Variants in PKNOX2 observed in about 807,000 individuals in gnomAD.
The protein encoded by PKNOX2 is homeobox protein PKNOX2.
A neutral mutation model predicts 53.1 loss-of-function variants in PKNOX2; 14 were observed. The observed-to-expected ratio is 0.26, with a 90% confidence interval of 0.17 to 0.41. PKNOX2 has a LOEUF of 0.41. Among genes scored for constraint, PKNOX2 ranks in the 10% least tolerant of loss-of-function variants. The pLI, the probability that PKNOX2 is intolerant of heterozygous loss-of-function variation, is 1.00. For missense variants in PKNOX2, 496 were observed against 602.8 expected (o/e 0.82, Z 1.85); for synonymous variants, 257 against 242.8 (o/e 1.06, Z -0.54).
chr11:125,262,324 G>T (rs1375749231), intron 2 of PKNOX2, among the ~76,000 whole-genome samples: 2 of 152,296 alleles, frequency 1.3e-5, no homozygotes, highest in African/African-American at 4.8e-5. Context: ...GGAATGAAAG[G>T]ACGCTTGTGT....
intron 5 of PKNOX2, among the ~76,000 whole-genome samples, chr11:125,368,775 A>T (rs1028843493): frequency 6.6e-6 from 1 of 152,166 alleles, no homozygotes; most frequent in African/African-American, 2.4e-5. Context: ...ATTCTTGTAC[A>T]TAGTTGGGGA....
intron 2 of PKNOX2, among the ~76,000 whole-genome samples, chr11:125,246,790 T>C (rs1943600748): frequency 6.6e-6 from 1 of 152,174 alleles, no homozygotes; most frequent in Admixed American, 6.5e-5. Flanking sequence ...CCTGTCTACT[T>C]TTCCCTCTTA....
chr11:125,353,891 G>C (rs533613968), intron 4 of PKNOX2, among the ~76,000 whole-genome samples: 2 of 152,236 alleles, frequency 1.3e-5, no homozygotes, highest in Admixed American at 6.5e-5. Context: ...CGAGCAGGAT[G>C]TGGGGCTAAG....
At chr11:125,336,078 C>G (rs1180649454) in intron 3 of PKNOX2, among the ~76,000 whole-genome samples, 1 of 152,172 alleles carries the variant, frequency 6.6e-6, no homozygotes, top group Non-Finnish European at 1.5e-5. Flanking sequence ...ACAAATAGAT[C>G]TACTCCATTA....
At chr11:125,403,185 T>C (rs561307601) in intron 7 of PKNOX2, among the ~76,000 whole-genome samples, 1 of 152,128 alleles carries the variant, frequency 6.6e-6, no homozygotes, top group Non-Finnish European at 1.5e-5. Context: ...GCCTACTGAG[T>C]TCTGGGGATA....
intron 3 of PKNOX2, among the ~76,000 whole-genome samples, chr11:125,343,407 T>A (rs1483644956): frequency 1.3e-5 from 2 of 152,050 alleles, no homozygotes; most frequent in Admixed American, 1.3e-4. Flanking sequence ...CTGTTTTTTG[T>A]TTTATTTTGT....
intron 1 of PKNOX2, among the ~76,000 whole-genome samples, chr11:125,169,752 T>C (rs1955145500): frequency 6.6e-6 from 1 of 152,190 alleles, no homozygotes; most frequent in Admixed American, 6.5e-5. Context: ...CTTCGGTGTG[T>C]TTTCTTTCCT....
At chr11:125,312,591 A>G (rs1948882549) in intron 2 of PKNOX2, among the ~76,000 whole-genome samples, 2 of 152,050 alleles carry the variant, frequency 1.3e-5, no homozygotes, top group Non-Finnish European at 2.9e-5. Flanking sequence ...GGCTCTGTGG[A>G]TGACTGCAAG....
At chr11:125,339,793 G>C (rs1481904156) in intron 3 of PKNOX2, among the ~76,000 whole-genome samples, 1 of 152,242 alleles carries the variant, frequency 6.6e-6, no homozygotes, top group Non-Finnish European at 1.5e-5. Flanking sequence ...TCTGCTCCCA[G>C]ACAGCTACGA....
chr11:125,421,423 A>G (rs964808551), intron 10 of PKNOX2, among the ~76,000 whole-genome samples: 1 of 152,228 alleles, frequency 6.6e-6, no homozygotes, highest in African/African-American at 2.4e-5. Context: ...AGACTCGGGC[A>G]GCCTGTTCCT....
intron 1 of PKNOX2, among the ~76,000 whole-genome samples, chr11:125,174,315 T>C (rs1955542367): frequency 1.3e-5 from 2 of 152,144 alleles, no homozygotes; most frequent in African/African-American, 4.8e-5. Flanking sequence ...TAGCATGCTG[T>C]GGGGAACACT....
chr11:125,317,318 C>T (rs887406911), intron 2 of PKNOX2, among the ~76,000 whole-genome samples: 7 of 152,200 alleles, frequency 4.6e-5, no homozygotes, highest in Admixed American at 4.6e-4. Flanking sequence ...TCCCATGAAT[C>T]ATGAATGCTC....
Position 125,199,947 on chromosome 11 carries a change from A to G in PKNOX2, c.-200-35098A>G, listed in dbSNP as rs143923357. Among the ~76,000 whole-genome samples the G allele has an allele frequency of 1.2e-4, 19 of 152,352 alleles. No homozygotes were observed. In the East Asian group the frequency reaches 3.7e-3, roughly 29 times the overall value. On this transcript the variant is annotated intron_variant, in intron 1 of 12. Coordinates refer to ENST00000298282, the MANE Select transcript of PKNOX2 (RefSeq NM_001382323.2). ...GACAGGAGCAACATCCACTCATTGA[A>G]TGAACCCTGGTCTTGCAGCCAGATC...
chr11:125,392,169 G>GT (rs1214954623), intron 6 of PKNOX2, among the ~76,000 whole-genome samples: 1 of 152,216 alleles, frequency 6.6e-6, no homozygotes, highest in Non-Finnish European at 1.5e-5. Flanking sequence ...GTTTACTGTG[G>GT]TTTATAAAGC....
chr11:125,303,031 G>T (rs915551355), intron 2 of PKNOX2, among the ~76,000 whole-genome samples: 1 of 152,036 alleles, frequency 6.6e-6, no homozygotes, highest in Admixed American at 6.5e-5. Flanking sequence ...AAGCCACAGT[G>T]CCTCTATTCC....
At chr11:125,343,161 T>C (rs1591535314) in intron 3 of PKNOX2, among the ~76,000 whole-genome samples, 1 of 151,876 alleles carries the variant, frequency 6.6e-6, no homozygotes, top group East Asian at 1.9e-4. Flanking sequence ...ATGGGAGAGG[T>C]ACCCTAAGTT....
At chr11:125,194,804 C>G (rs1957088969) in intron 1 of PKNOX2, among the ~76,000 whole-genome samples, 1 of 152,176 alleles carries the variant, frequency 6.6e-6, no homozygotes, top group South Asian at 2.1e-4. Context: ...CATTGAGCAC[C>G]TACTATATGC....
rs1943069730 is a variant in PKNOX2 at position 125,240,540 on chromosome 11, C to T, written c.-130+5425C>T. Among the ~76,000 whole-genome samples, 1 of 152,080 alleles carries T rather than the reference C, an allele frequency of 6.6e-6. No individual in the cohort carries two copies. The highest frequency in any genetic ancestry group is 2.4e-5 in the African/African-American group (1 of 41,410). ...TGCAAGCAGGGCAAGAGGCTTTGAGCAGAGTTTGGAAGCTGCAAGGTGGCT... is the reference window on the plus strand; with the variant it reads ...TGCAAGCAGGGCAAGAGGCTTTGAGTAGAGTTTGGAAGCTGCAAGGTGGCT... On this transcript the variant is annotated intron_variant, in intron 2 of 12. Coordinates refer to ENST00000298282, the MANE Select transcript of PKNOX2 (RefSeq NM_001382323.2). The surrounding 1 kb of genome is among the most constrained non-coding windows in gnomAD (Gnocchi z 4.3).
At chr11:125,256,556 C>A (rs1944412766) in intron 2 of PKNOX2, among the ~76,000 whole-genome samples, 1 of 152,180 alleles carries the variant, frequency 6.6e-6, no homozygotes, top group African/African-American at 2.4e-5. Context: ...TGCCACCAAG[C>A]CAGTGCTGGG....
Sources: gnomAD v4.1 joint callset for allele counts (sites outside exome capture counted in the v4.1 genomes callset) on GRCh38, gnomAD v4.1.1 for gene constraint, Gnocchi (gnomAD v3.1) non-coding constraint, MANE v1.5 for transcripts, NCBI Gene and HGNC (gene_info 2026-07-23, HGNC 2026-07-21) for gene names.